PRPSAP2: variants seen among roughly 807,000 people sequenced by gnomAD.
PRPSAP2 encodes the protein phosphoribosyl pyrophosphate synthase-associated protein 2.
Under a neutral mutation model 40.6 loss-of-function variants are expected in PRPSAP2, and 24 were observed. The ratio of observed to expected loss-of-function variants is 0.59; its 90% CI spans 0.43 to 0.83. The LOEUF (loss-of-function observed/expected upper bound fraction) is 0.83. PRPSAP2 is among the 40% of genes least tolerant of loss of function. The pLI is 0.00. For synonymous variants in PRPSAP2, 149 were observed against 164.7 expected (o/e 0.90, Z 0.73); for missense variants, 292 against 465.6 (o/e 0.63, Z 3.43).
intron 4 of PRPSAP2, among the ~76,000 whole-genome samples, chr17:18,870,947 A>T (rs1448784094): frequency 1.3e-5 from 2 of 152,004 alleles, no homozygotes; most frequent in Non-Finnish European, 2.9e-5. Flanking sequence ...CACCGCACCC[A>T]GCCCAACAAC....
chr17:18,864,656 A>G (rs1402171157), intron 1 of PRPSAP2, among the ~76,000 whole-genome samples: 3 of 152,122 alleles, frequency 2.0e-5, no homozygotes, highest in East Asian at 1.9e-4. Flanking sequence ...TTTGAGAATA[A>G]TGAAAAAGAT....
At chr17:18,891,759 G>A (rs183705209) in intron 8 of PRPSAP2, among the ~76,000 whole-genome samples, 4 of 152,170 alleles carry the variant, frequency 2.6e-5, no homozygotes, top group African/African-American at 4.8e-5. Context: ...TCTGTCCCTC[G>A]GCAGCCACAC....
chr17:18,878,660 C>T (rs1036126871), intron 6 of PRPSAP2, among the ~76,000 whole-genome samples: 1 of 152,014 alleles, frequency 6.6e-6, no homozygotes, highest in Admixed American at 6.6e-5. Context: ...CCGGTTCAAG[C>T]GATTCTCCTG....
At chr17:18,908,250 A>AC (rs1312740391) in intron 8 of PRPSAP2, 15 of 753,018 alleles carry the variant, frequency 2.0e-5, no homozygotes. Flanking sequence ...GTGACGACCC[A>AC]CTCAGCCGAG....
At chr17:18,914,451 G>T (rs568005433) in intron 9 of PRPSAP2, among the ~76,000 whole-genome samples, 1 of 149,960 alleles carries the variant, frequency 6.7e-6, no homozygotes, top group African/African-American at 2.4e-5. Context: ...GTAGAGACGG[G>T]GTCTTGCTTT....
chr17:18,926,047 G>A (rs976752624), intron 10 of PRPSAP2, among the ~76,000 whole-genome samples: 3 of 151,742 alleles, frequency 2.0e-5, no homozygotes, highest in South Asian at 4.2e-4. Context: ...GCAGTGAGCC[G>A]AGATCGTGCC....
chr17:18,865,909 A>G lies in PRPSAP2; in HGVS notation c.76A>G (p.Asn26Asp). 1 of 1,541,650 alleles carries G rather than the reference A, an allele frequency of 6.5e-7. No homozygotes were observed. Among genetic ancestry groups the G allele is most frequent in the Non-Finnish European group, 8.8e-7 (1 of 1,134,914 alleles). ...AGGTGGTCTGGTGTTGTTTTCAGCA[A>G]ACTCGAATTCATCATGTATGGAGCT... is the stretch of plus-strand genomic sequence containing the variant. The part of the protein sequence containing the change: ...TKGGLVLFSA[N>D]SNSSCMELSK... The change falls in exon 3 of 12, where the codon AAC (asparagine) becomes GAC (aspartate). Residue 26 changes from asparagine to aspartate, a missense_variant. Around this residue, in one of 2 missense-constraint regions of PRPSAP2, gnomAD observed 51 missense variants for 40.0 expected, o/e 1.28. Transcript: ENST00000268835.
chr17:18,893,332 G>T (rs1016156728), intron 8 of PRPSAP2, among the ~76,000 whole-genome samples: 1 of 151,916 alleles, frequency 6.6e-6, no homozygotes, highest in Non-Finnish European at 1.5e-5. Context: ...GTATTTTTTA[G>T]TAGAGATGGA....
intron 4 of PRPSAP2, among the ~76,000 whole-genome samples, chr17:18,872,148 C>G (rs1385361119): frequency 1.3e-5 from 2 of 152,022 alleles, no homozygotes; most frequent in Non-Finnish European, 2.9e-5. Flanking sequence ...TGGCGGGCGC[C>G]TGTAGTTCCA....
upstream of PRPSAP2, among the ~76,000 whole-genome samples, chr17:18,857,062 G>T (rs1204160675): frequency 6.6e-5 from 10 of 152,248 alleles, no homozygotes; most frequent in Non-Finnish European, 1.3e-4. Flanking sequence ...GGCTGGGCGC[G>T]ATGGCTCACG....
At chr17:18,930,431 T>A in intron 11 of PRPSAP2, 109 bp from the exon 12 acceptor site, 1 of 1,032,586 alleles carries the variant, frequency 9.7e-7, no homozygotes, top group African/African-American at 1.6e-5. Context: ...ATCCACTGTG[T>A]TTTCCTGTCG....
At chr17:18,882,502 T>A in intron 6 of PRPSAP2, 66 bp from the exon 7 acceptor site, 5 of 1,031,546 alleles carry the variant, frequency 4.8e-6, no homozygotes, top group Admixed American at 2.0e-5. Flanking sequence ...CAGAATGGGA[T>A]CCCATCTTAA....
At chr17:18,882,737 T>C in intron 7 of PRPSAP2, 54 bp downstream of exon 7, 1 of 1,188,866 alleles carries the variant, frequency 8.4e-7, no homozygotes, top group Non-Finnish European at 1.2e-6. Flanking sequence ...TTGAAAGATG[T>C]ATTTCCATTT....
At position 18,882,478 on chromosome 17, in the gene PRPSAP2, T is replaced by C; in HGVS notation, c.413-90T>C. 11 of 833,288 alleles carry C rather than the reference T, an allele frequency of 1.3e-5. No individual in the cohort carries two copies. In the South Asian group the frequency reaches 1.6e-4, roughly 12 times the overall value. 51.6% of individuals were successfully genotyped at this position (833,288 alleles called of 1,614,324 possible). A position where few individuals can be genotyped will look rare whatever the true frequency, so the allele number is the denominator to read the frequency against. On this transcript the variant is annotated intron_variant, in intron 6 of 11. Coordinates refer to ENST00000268835, the MANE Select transcript of PRPSAP2 (RefSeq NM_002767.4). ...GTTAGCTATGGTCATGCCACTGCACTCCAGCCTGGGTGACAGAATGGGATC... is the reference window on the plus strand; with the variant it reads ...GTTAGCTATGGTCATGCCACTGCACCCCAGCCTGGGTGACAGAATGGGATC...
chr17:18,875,567 AG>A (rs2038225601), intron 5 of PRPSAP2, among the ~76,000 whole-genome samples: 1 of 151,382 alleles, frequency 6.6e-6, no homozygotes, highest in African/African-American at 2.4e-5. Flanking sequence ...TCCATCTCGA[AG>A]TAAAAAAAAA....
intron 11 of PRPSAP2, 47 bp downstream of exon 11, chr17:18,929,004 C>T: frequency 6.3e-7 from 1 of 1,581,000 alleles, no homozygotes; most frequent in Non-Finnish European, 8.6e-7. Context: ...GGGCTTTTGG[C>T]ACATCTTGAT....
At chr17:18,865,725 C>A (rs1452857285) in intron 2 of PRPSAP2, 77 bp from the exon 3 acceptor site, 7 of 925,742 alleles carry the variant, frequency 7.6e-6, no homozygotes, top group Non-Finnish European at 1.0e-5. Context: ...CAGCTGAAGT[C>A]ATTTCCTTTA....
At chr17:18,892,727 G>GTGTGTGTGTGTGTGTTTGTT (rs60288281) in intron 8 of PRPSAP2, among the ~76,000 whole-genome samples, 10 of 126,626 alleles carry the variant, frequency 7.9e-5, no homozygotes, top group Non-Finnish European at 1.3e-4. Flanking sequence ...GTGTGTGTGT[G>GTGTGTGTGTGTGTGTTTGTT]TATTTATTTA....
intron 7 of PRPSAP2, among the ~76,000 whole-genome samples, chr17:18,886,351 C>G (rs1370717149): frequency 3.0e-4 from 45 of 151,488 alleles, no homozygotes; most frequent in Admixed American, 1.3e-4. Flanking sequence ...AAATTTTTGC[C>G]ATCTATACTT....
Sources: allele counts gnomAD v4.1 joint callset (sites outside exome capture counted in the v4.1 genomes callset), GRCh38; gene constraint gnomAD v4.1.1; regional missense constraint gnomAD v4.1.1; transcripts MANE v1.5; gene names NCBI Gene and HGNC (gene_info 2026-07-23, HGNC 2026-07-21).